The following EPM2A variants were observed in gnomAD, a reference collection of about 807,000 sequenced individuals.
EPM2A encodes the protein EPM2A glucan phosphatase, laforin, also known as laforin.
Under a neutral mutation model 26.5 loss-of-function variants are expected in EPM2A, and 21 were observed. The observed-to-expected ratio is 0.79, with a 90% CI of 0.56 to 1.14. The LOEUF (loss-of-function observed/expected upper bound fraction) is 1.14, where lower values mean the gene tolerates loss of function less well. Ranked by LOEUF, EPM2A falls within the 50% of genes most tolerant of loss-of-function variation. The pLI is 0.00. For missense variants in EPM2A, 458 were observed against 440.8 expected, an observed-to-expected ratio of 1.04 and a Z score of -0.35; for synonymous variants, 217 against 177.6, an observed-to-expected ratio of 1.22 and a Z score of -1.76.
chr6:145,724,789 C>T (rs1776114117), intron 1 of EPM2A, among the ~76,000 whole-genome samples: 2 of 151,836 alleles, frequency 1.3e-5, no homozygotes. Flanking sequence ...AAGTGGATGT[C>T]CATATGGGGA....
chr6:145,674,605 G>A (rs1418753521), intron 2 of EPM2A, among the ~76,000 whole-genome samples: 1 of 152,076 alleles, frequency 6.6e-6, no homozygotes, highest in African/African-American at 2.4e-5. Context: ...TGACCTGACG[G>A]AGCTGAAAAC....
chr6:145,446,661 C>A (rs935834115), intron 4 of EPM2A, among the ~76,000 whole-genome samples: 1 of 152,052 alleles, frequency 6.6e-6, no homozygotes, highest in African/African-American at 2.4e-5. Context: ...CTCTCTCTCT[C>A]TGGAAACCTT....
At chr6:145,662,577 C>T (rs376462856) in intron 2 of EPM2A, among the ~76,000 whole-genome samples, 11 of 152,088 alleles carry the variant, frequency 7.2e-5, no homozygotes, top group South Asian at 2.1e-4. Context: ...GGGTCACCTC[C>T]GAATACAGCA....
chr6:145,631,027 A>T (rs1241684058), intron 3 of EPM2A: 1 of 152,176 alleles, frequency 6.6e-6, no homozygotes, highest in Non-Finnish European at 1.5e-5. Flanking sequence ...GTCAATCTGG[A>T]TTCTCAGTCA....
At chr6:145,615,754 T>C (rs1775497658) in intron 2 of EPM2A, among the ~76,000 whole-genome samples, 1 of 152,068 alleles carries the variant, frequency 6.6e-6, no homozygotes, top group South Asian at 2.1e-4. Flanking sequence ...TAAAGGTGAC[T>C]CTTGCTATGT....
intron 2 of EPM2A, among the ~76,000 whole-genome samples, chr6:145,647,689 A>G (rs1030952833): frequency 6.6e-6 from 1 of 151,662 alleles, no homozygotes; most frequent in African/African-American, 2.4e-5. Flanking sequence ...GGAAGGAAGG[A>G]AGGGAAAGGG....
intron 4 of EPM2A, among the ~76,000 whole-genome samples, chr6:145,447,342 A>G (rs1476231782): frequency 1.3e-5 from 2 of 152,118 alleles, no homozygotes; most frequent in African/African-American, 4.8e-5. Flanking sequence ...TTATGAGCCA[A>G]TAAGTTCTAG....
intron 2 of EPM2A, among the ~76,000 whole-genome samples, chr6:145,530,954 A>G (rs1780346474): frequency 6.6e-6 from 1 of 152,182 alleles, no homozygotes; most frequent in African/African-American, 2.4e-5. Flanking sequence ...TGTAAAAAGT[A>G]TATAACTAAA....
chr6:145,390,327 T>TA (rs11335780), intron 4 of EPM2A, among the ~76,000 whole-genome samples: 1,984 of 144,504 alleles, frequency 0.014, 24 homozygotes, highest in East Asian at 0.055. Flanking sequence ...AAATTTAAAT[T>TA]AAAAAAAAAA....
At chr6:145,464,232 C>G (rs1779359307) in intron 4 of EPM2A, among the ~76,000 whole-genome samples, 1 of 152,126 alleles carries the variant, frequency 6.6e-6, no homozygotes, top group Non-Finnish European at 1.5e-5. Context: ...CTCACTGTCT[C>G]TCACTTGCCA....
intron 1 of EPM2A, among the ~76,000 whole-genome samples, chr6:145,694,119 C>A (rs1474789211): frequency 6.6e-6 from 1 of 151,676 alleles, no homozygotes; most frequent in Non-Finnish European, 1.5e-5. Flanking sequence ...ATAAATTTTA[C>A]AATTATTATT....
In EPM2A at chr6:145,450,387, T is replaced by C. The variant is rs565250124; in HGVS notation, c.555+52135A>G. On this transcript the variant is annotated intron_variant, in intron 4 of 4. Coordinates refer to the EPM2A transcript ENST00000638717. ...AAAAAAAAAAAGAAACTGAAACCAT[T>C]GGTGGGGGTATAAATTGGCACAACC... 2.1e-4 allele frequency among the ~76,000 whole-genome samples: 31 copies of C among 150,160 alleles called. 1 individual carries two copies. The South Asian group carries it at 6.3e-3, about 31-fold the overall frequency.
intron 2 of EPM2A, among the ~76,000 whole-genome samples, chr6:145,684,547 CTT>C (rs1365362437): frequency 1.3e-5 from 2 of 152,146 alleles, no homozygotes; most frequent in East Asian, 3.9e-4. Context: ...TGCTTCTTCT[CTT>C]TGTCTCTTCT....
chr6:145,676,736 T>G (rs1024588983), intron 2 of EPM2A, among the ~76,000 whole-genome samples: 2 of 152,112 alleles, frequency 1.3e-5, no homozygotes, highest in Non-Finnish European at 2.9e-5. Flanking sequence ...CAGGAAGAAG[T>G]TGAATCTCTG....
At chr6:145,534,832 A>T (rs1014917916) in intron 2 of EPM2A, among the ~76,000 whole-genome samples, 1 of 152,196 alleles carries the variant, frequency 6.6e-6, no homozygotes, top group African/African-American at 2.4e-5. Context: ...TGACTCTGAG[A>T]CTAAAAGGCA....
intron 1 of EPM2A, among the ~76,000 whole-genome samples, chr6:145,707,386 A>G (rs1782281954): frequency 6.6e-6 from 1 of 152,162 alleles, no homozygotes; most frequent in African/African-American, 2.4e-5. Context: ...CATACTAAGA[A>G]GTTTAGACTT....
At chr6:145,413,003 T>C (rs1438539771) in intron 4 of EPM2A, among the ~76,000 whole-genome samples, 2 of 152,134 alleles carry the variant, frequency 1.3e-5, no homozygotes, top group African/African-American at 4.8e-5. Flanking sequence ...CTATGGTAAT[T>C]TAGATATGGT....
intron 4 of EPM2A, among the ~76,000 whole-genome samples, chr6:145,393,931 C>G (rs917391139): frequency 2.7e-4 from 41 of 151,848 alleles, no homozygotes; most frequent in African/African-American, 8.9e-4. Context: ...TCAAGTGATT[C>G]TCCTGCCTCA....
At chr6:145,715,238 G>A (rs1470481597) in intron 1 of EPM2A, among the ~76,000 whole-genome samples, 7 of 152,104 alleles carry the variant, frequency 4.6e-5, no homozygotes, top group Non-Finnish European at 7.4e-5. Flanking sequence ...TCCTGCAAGT[G>A]CTAGACAGGC....
Sources: gnomAD v4.1 joint callset for allele counts (sites outside exome capture counted in the v4.1 genomes callset) on GRCh38, gnomAD v4.1.1 for gene constraint, MANE v1.5 for transcripts, NCBI Gene and HGNC (gene_info 2026-07-23, HGNC 2026-07-21) for gene names.